ZSCAN16: variants seen among roughly 807,000 people sequenced by gnomAD.
ZSCAN16 encodes the protein zinc finger and SCAN domain-containing protein 16.
ZSCAN16 carries 15 observed loss-of-function variants against 19.4 expected under a neutral mutation model. The observed-to-expected ratio is 0.77, with a 90% CI of 0.52 to 1.19. The LOEUF is 1.19. ZSCAN16 is among the 50% of genes most tolerant of loss of function. The pLI is 0.00. For synonymous variants in ZSCAN16, 138 were observed against 146.5 expected (o/e 0.94, Z 0.42); for missense variants, 327 against 415.7 (o/e 0.79, Z 1.86).
Position 28,125,978 on chromosome 6 carries a change from A to T in ZSCAN16, c.387+148A>T. The T allele has an allele frequency of 3.1e-6, 2 of 653,042 alleles. No individual in the cohort carries two copies. The highest frequency in any genetic ancestry group is 5.1e-6 in the Non-Finnish European group (2 of 389,534). 40.5% of individuals were successfully genotyped at this position (653,042 alleles called of 1,614,324 possible). A position where few individuals can be genotyped will look rare whatever the true frequency, so the allele number is the denominator to read the frequency against. Reference sequence around the variant, plus strand: ...CTGACTACCTATGTCAAATAATTAAAGTGTGGCTGGGTAAAGAGAGGAGAG... The same window carrying T: ...CTGACTACCTATGTCAAATAATTAATGTGTGGCTGGGTAAAGAGAGGAGAG... On this transcript the variant is annotated intron_variant, in intron 2 of 3. Transcript: ENST00000340487. The surrounding 1 kb of genome is among the most constrained non-coding windows in gnomAD (Gnocchi z 6.2).
chr6:28,126,290 ATTT>A (rs1359024410), intron 2 of ZSCAN16, among the ~76,000 whole-genome samples: 2 of 152,112 alleles, frequency 1.3e-5, no homozygotes, highest in Admixed American at 6.6e-5. Context: ...TGAAATATAT[ATTT>A]TATTTAGCCC....
At position 28,129,730 on chromosome 6, in the gene ZSCAN16, G is replaced by C. The variant is rs771364627; in HGVS notation, c.827G>C (p.Arg276Pro). Reference sequence around the variant, plus strand: ...GAGTGTGGAAAAGCCTTCATTCAGCGCTCACATCTCATTGGACATCATAGA... The same window carrying C: ...GAGTGTGGAAAAGCCTTCATTCAGCCCTCACATCTCATTGGACATCATAGA... ...CDECGKAFIQ[R>P]SHLIGHHRVH... Residue 276 changes from arginine (R) to proline (P), a missense_variant, in exon 4 of 4, where the codon CGC (arginine) becomes CCC (proline). Transcript: ENST00000340487. 2 of 1,613,944 alleles carry C rather than the reference G, an allele frequency of 1.2e-6. No homozygotes were observed. The highest frequency in any genetic ancestry group is 2.7e-5 in the African/African-American group (2 of 74,904).
chr6:28,129,761 C>A lies in ZSCAN16; in HGVS notation c.858C>A (p.His286Gln), dbSNP rs372143433. The change falls in exon 4 of 4, where the codon CAC becomes CAA. Residue 286 changes from histidine (H) to glutamine (Q), a missense_variant. Physicochemically the swap from His to Gln is conservative, Grantham distance 24. Coordinates refer to ENST00000340487, the MANE Select transcript of ZSCAN16 (RefSeq NM_025231.3). ...ATCTCATTGGACATCATAGAGTACA[C>A]ACGGGAGTAAAACCCTATAAATGTA... ...RSHLIGHHRV[H>Q]TGVKPYKCKE... 3 of 1,613,982 alleles carry A rather than the reference C, an allele frequency of 1.9e-6. No homozygotes were observed. The highest frequency in any genetic ancestry group is 2.5e-6 in the Non-Finnish European group (3 of 1,180,004).
chr6:28,126,905 G>A lies in ZSCAN16; in HGVS notation c.510G>A (p.Gly170=). The change falls in exon 3 of 4, where the codon GGG becomes GGA. Residue 170 remains glycine (G), a synonymous_variant. Transcript: ENST00000340487. ...PKKTQLEQEA[G]KPQRNGDKTR... is the part of the protein sequence containing the mutation. ...AGACCCAGCTGGAGCAGGAAGCTGGGAAACCACAAAGGAATGGTAAGCAGG... is the reference window on the plus strand; with the variant it reads ...AGACCCAGCTGGAGCAGGAAGCTGGAAAACCACAAAGGAATGGTAAGCAGG... 1 of 1,578,796 alleles carries A rather than the reference G, an allele frequency of 6.3e-7. No homozygotes were observed.
At chr6:28,127,967 A>C (rs1274611429) in intron 3 of ZSCAN16, among the ~76,000 whole-genome samples, 2 of 152,076 alleles carry the variant, frequency 1.3e-5, no homozygotes. Flanking sequence ...TGATTTGTCT[A>C]ATCTGAAAAA....
At chr6:28,129,302 T>C (rs562357523) in intron 3 of ZSCAN16, 128 bp from the exon 4 acceptor site, 2 of 1,136,706 alleles carry the variant, frequency 1.8e-6, no homozygotes, top group African/African-American at 1.6e-5. Flanking sequence ...ATATTTGATA[T>C]GTGTGTTGTA....
At position 28,125,400 on chromosome 6, in the gene ZSCAN16, G is replaced by T; in HGVS notation, c.-31-13G>T. On this transcript the variant is annotated splice_polypyrimidine_tract_variant and intron_variant, in intron 1 of 3. Transcript: ENST00000340487. The surrounding 1 kb of genome is among the most constrained non-coding windows in gnomAD (Gnocchi z 6.2). ...GGCAGGATTCTAAGAGATTCTCTTTGACTCAATCCCAGATAGAGGATAAAT... is the reference window on the plus strand; with the variant it reads ...GGCAGGATTCTAAGAGATTCTCTTTTACTCAATCCCAGATAGAGGATAAAT... 6.4e-7 allele frequency: 1 copy of T among 1,568,060 alleles called. No homozygotes were observed. Among genetic ancestry groups the T allele is most frequent in the South Asian group, 1.2e-5 (1 of 82,540 alleles).
At position 28,126,819 on chromosome 6, in the gene ZSCAN16, G is replaced by A. The variant is rs755028579; in HGVS notation, c.424G>A (p.Asp142Asn). The A allele has an allele frequency of 1.9e-5, 30 of 1,578,366 alleles. 1 individual carries two copies. In the South Asian group the frequency reaches 2.7e-4, roughly 14 times the overall value. ...GNSERRDILM[D>N]KLAPLGRPYE... is the part of the protein sequence containing the mutation. ...TTCAGAAAGACGGGACATACTCATG[G>A]ACAAGTTGGCCCCCTTGGGAAGGCC... Residue 142 changes from aspartate to asparagine, a missense_variant, in exon 3 of 4, where the codon GAC (aspartate) becomes AAC (asparagine). Asp to Asn is a conservative substitution (Grantham distance 23, BLOSUM62 1). Coordinates refer to ENST00000340487, the MANE Select transcript of ZSCAN16 (RefSeq NM_025231.3).
Position 28,125,635 on chromosome 6 carries a change from G to A in ZSCAN16, c.192G>A (p.Glu64=). Residue 64 remains glutamate, a synonymous_variant, in exon 2 of 4, where the codon GAG becomes GAA. Coordinates refer to ENST00000340487, the MANE Select transcript of ZSCAN16 (RefSeq NM_025231.3). The surrounding 1 kb of genome is among the most constrained non-coding windows in gnomAD (Gnocchi z 6.2). ...GTGAAGCTCTTACCCAGCTGTGGGA[G>A]CTCTGCCGTCAGTGGCTGAGGCCAG... ...GPREALTQLW[E]LCRQWLRPEC... The A allele has an allele frequency of 1.2e-6, 2 of 1,614,258 alleles. No individual in the cohort carries two copies. Among genetic ancestry groups the A allele is most frequent in the Non-Finnish European group, 1.7e-6 (2 of 1,180,042 alleles).
In ZSCAN16 at chr6:28,129,763, C is replaced by A. The variant is rs779109473; in HGVS notation, c.860C>A (p.Thr287Lys). ...CTCATTGGACATCATAGAGTACACACGGGAGTAAAACCCTATAAATGTAAA... is the reference window on the plus strand; with the variant it reads ...CTCATTGGACATCATAGAGTACACAAGGGAGTAAAACCCTATAAATGTAAA... ...SHLIGHHRVH[T>K]GVKPYKCKEC... The change falls in exon 4 of 4, where the codon ACG (threonine) becomes AAG (lysine). Residue 287 changes from threonine (T) to lysine (K), a missense_variant. Thr to Lys is a moderately conservative substitution (Grantham distance 78, BLOSUM62 -1). Transcript: ENST00000340487. 1 of 1,614,052 alleles carries A rather than the reference C, an allele frequency of 6.2e-7. No individual in the cohort carries two copies.
At chr6:28,126,210 T>A (rs1764897795) in intron 2 of ZSCAN16, among the ~76,000 whole-genome samples, 1 of 152,182 alleles carries the variant, frequency 6.6e-6, no homozygotes, top group African/African-American at 2.4e-5. Flanking sequence ...AGAATAGGAC[T>A]GTCCAACAGA....
Position 28,124,663 on chromosome 6 carries a change from C to G in ZSCAN16, c.-46C>G, listed in dbSNP as rs1429981966. On this transcript the variant is annotated 5_prime_UTR_variant, in exon 1 of 4. Transcript: ENST00000340487. ...AGGACGCTAGCTGTTGCACCTGTTC[C>G]TCCCTGCGCGTAAGGTGAGTGTCTC... 1 of 152,300 alleles carries G rather than the reference C, an allele frequency of 6.6e-6. No homozygotes were observed. The highest frequency in any genetic ancestry group is 2.4e-5 in the African/African-American group (1 of 41,462). The allele number at this position is 152,300 out of a possible 1,614,324, so 9.4% of individuals were successfully genotyped here. A position where few individuals can be genotyped will look rare whatever the true frequency, so the allele number is the denominator to read the frequency against.
In ZSCAN16 at chr6:28,129,742, T is replaced by C. The variant is rs1401552806; in HGVS notation, c.839T>C (p.Ile280Thr). Residue 280 changes from isoleucine (I) to threonine (T), a missense_variant, in exon 4 of 4, where the codon ATT becomes ACT. Physicochemically the swap from Ile to Thr is moderately conservative, Grantham distance 89. Transcript: ENST00000340487. ...GCCTTCATTCAGCGCTCACATCTCA[T>C]TGGACATCATAGAGTACACACGGGA... ...GKAFIQRSHL[I>T]GHHRVHTGVK... 1.9e-6 allele frequency: 3 copies of C among 1,613,996 alleles called. No homozygotes were observed. Among genetic ancestry groups the C allele is most frequent in the South Asian group, 1.1e-5 (1 of 91,068 alleles).
intron 3 of ZSCAN16, among the ~76,000 whole-genome samples, chr6:28,127,361 T>TACTACTA (rs551956308): frequency 3.2e-4 from 49 of 152,244 alleles, no homozygotes; most frequent in African/African-American, 9.4e-4. Context: ...CAGGGTTAGT[T>TACTACTA]ACTAGTAAGG....
chr6:28,126,701 TG>T, intron 2 of ZSCAN16, 81 bp from the exon 3 acceptor site: 1 of 1,171,884 alleles, frequency 8.5e-7, no homozygotes, highest in South Asian at 2.6e-5. Context: ...TCTATGTCCC[TG>T]GAAGATGTTT....
Position 28,125,424 on chromosome 6 carries a change from A to C in ZSCAN16, c.-20A>C, listed in dbSNP as rs747871145. Reference sequence around the variant, plus strand: ...TGACTCAATCCCAGATAGAGGATAAATCTCCTGGCAAAGCCCAGAATGACC... The same window carrying C: ...TGACTCAATCCCAGATAGAGGATAACTCTCCTGGCAAAGCCCAGAATGACC... On this transcript the variant is annotated 5_prime_UTR_variant, in exon 2 of 4. Transcript: ENST00000340487. The surrounding 1 kb of genome is among the most constrained non-coding windows in gnomAD (Gnocchi z 6.2). 2.5e-6 allele frequency: 4 copies of C among 1,599,682 alleles called. No individual in the cohort carries two copies. In the Admixed American group the frequency reaches 6.9e-5, roughly 28 times the overall value.
chr6:28,125,285 G>T lies in ZSCAN16; in HGVS notation c.-31-128G>T. 9.5e-7 allele frequency: 1 copy of T among 1,052,332 alleles called. No individual in the cohort carries two copies. The highest frequency in any genetic ancestry group is 1.9e-5 in the South Asian group (1 of 54,010). 65.2% of individuals were successfully genotyped at this position (1,052,332 alleles called of 1,614,324 possible). Reference sequence around the variant, plus strand: ...TGTTTTCTCTGATTGACTTCTGGTGGCTTGGCTTCATTATGATGTGTTTAT... The same window carrying T: ...TGTTTTCTCTGATTGACTTCTGGTGTCTTGGCTTCATTATGATGTGTTTAT... On this transcript the variant is annotated intron_variant, in intron 1 of 3. Transcript: ENST00000340487. The surrounding 1 kb of genome is among the most constrained non-coding windows in gnomAD (Gnocchi z 6.2).
chr6:28,127,119 T>TTGC (rs1166806589), intron 3 of ZSCAN16, among the ~76,000 whole-genome samples, 198 bp downstream of exon 3: 4 of 152,178 alleles, frequency 2.6e-5, no homozygotes, highest in African/African-American at 4.8e-5. Context: ...AAGCTGCTAT[T>TTGC]TGGCCCAAGG....
In ZSCAN16 at chr6:28,129,753, A is replaced by C; in HGVS notation, c.850A>C (p.Arg284=). ...IQRSHLIGHH[R]VHTGVKPYKC... Reference sequence around the variant, plus strand: ...GCGCTCACATCTCATTGGACATCATAGAGTACACACGGGAGTAAAACCCTA... The same window carrying C: ...GCGCTCACATCTCATTGGACATCATCGAGTACACACGGGAGTAAAACCCTA... The change falls in exon 4 of 4, where the codon AGA becomes CGA. Residue 284 remains arginine (R), a synonymous_variant. Coordinates refer to ENST00000340487, the MANE Select transcript of ZSCAN16 (RefSeq NM_025231.3). The C allele has an allele frequency of 6.2e-7, 1 of 1,614,168 alleles. No individual in the cohort carries two copies. The highest frequency in any genetic ancestry group is 8.5e-7 in the Non-Finnish European group (1 of 1,179,998).
Sources: allele counts gnomAD v4.1 joint callset (sites outside exome capture counted in the v4.1 genomes callset), GRCh38; gene constraint gnomAD v4.1.1; non-coding constraint Gnocchi (gnomAD v3.1); transcripts MANE v1.5; gene names NCBI Gene and HGNC (gene_info 2026-07-23, HGNC 2026-07-21).